EMC2: variants seen among roughly 807,000 people sequenced by gnomAD.
EMC2 encodes the protein TPR repeat protein 35.
In EMC2, 37 loss-of-function variants were observed where a neutral mutation model predicts 51.6. The observed-to-expected ratio is 0.72, with a 90% CI of 0.55 to 0.94. The LOEUF is 0.94. Ranked by LOEUF, EMC2 falls within the 40% of genes least tolerant of loss-of-function variation. EMC2 has a pLI of 0.00. For synonymous variants in EMC2, 131 were observed against 112.4 expected (o/e 1.17, Z -1.04); for missense variants, 359 against 350.9 (o/e 1.02, Z -0.18).
intron 5 of EMC2, among the ~76,000 whole-genome samples, chr8:108,457,585 A>T (rs751272303): frequency 6.6e-6 from 1 of 152,162 alleles, no homozygotes; most frequent in East Asian, 1.9e-4. Context: ...GAGCTTGTGC[A>T]GGGAAACTCC....
rs753999031 is a variant in EMC2 at position 108,470,112 on chromosome 8, A to G, written c.500A>G (p.Asn167Ser). 42 of 1,610,180 alleles carry G rather than the reference A, an allele frequency of 2.6e-5. No individual in the cohort carries two copies. Among genetic ancestry groups the G allele is most frequent in the Admixed American group, 3.3e-5 (2 of 59,936 alleles). Residue 167 changes from asparagine to serine, a missense_variant, in exon 7 of 11, where the codon AAT becomes AGT. Asn to Ser is a conservative substitution (Grantham distance 46). Coordinates refer to ENST00000220853, the MANE Select transcript of EMC2 (RefSeq NM_014673.5). ...AWHELAELYI[N>S]EHDYAKAAFC... Reference sequence around the variant, plus strand: ...CATGAACTTGCAGAACTTTACATCAATGAACATGAGTAAGTTATTAAACAC... The same window carrying G: ...CATGAACTTGCAGAACTTTACATCAGTGAACATGAGTAAGTTATTAAACAC...
At chr8:108,468,998 T>C (rs1369708291) in intron 5 of EMC2, among the ~76,000 whole-genome samples, 2 of 152,132 alleles carry the variant, frequency 1.3e-5, no homozygotes, top group African/African-American at 4.8e-5. Context: ...GGGACCGTCT[T>C]TGCTTTCTGT....
chr8:108,452,642 G>A (rs911622709), intron 3 of EMC2, among the ~76,000 whole-genome samples: 13 of 152,136 alleles, frequency 8.5e-5, no homozygotes, highest in Admixed American at 5.9e-4. Flanking sequence ...TATGTTATTT[G>A]CTAGGAACTT....
In EMC2 at chr8:108,487,008, A is replaced by G. The variant is rs1811154888; in HGVS notation, c.*410A>G. The G allele has an allele frequency of 6.5e-6, 1 of 153,486 alleles. No homozygotes were observed. The highest frequency in any genetic ancestry group is 1.5e-5 in the Non-Finnish European group (1 of 68,944). The allele number at this position is 153,486 out of a possible 1,614,324, so 9.5% of individuals were successfully genotyped here. A position where few individuals can be genotyped will look rare whatever the true frequency, so the allele number is the denominator to read the frequency against. On this transcript the variant is annotated 3_prime_UTR_variant, in exon 11 of 11. Transcript: ENST00000220853. ...TAGTTAACTCCTTACTGGTGATAGC[A>G]AAGTCACAGCATATGTAGCTGACCG...
At chr8:108,456,596 AACAT>A (rs1045229970) in intron 5 of EMC2, among the ~76,000 whole-genome samples, 3 of 152,182 alleles carry the variant, frequency 2.0e-5, no homozygotes, top group Admixed American at 6.5e-5. Flanking sequence ...AATAAGAAGA[AACAT>A]ACCCCTTTAA....
chr8:108,452,456 A>G (rs373059446), intron 3 of EMC2, among the ~76,000 whole-genome samples: 29 of 152,112 alleles, frequency 1.9e-4, no homozygotes, highest in East Asian at 9.6e-4. Flanking sequence ...AGTCCGAGCT[A>G]CTTGGGAGGC....
At chr8:108,450,041 TTTTC>T (rs1431097664) in intron 2 of EMC2, 105 bp downstream of exon 2, 1 of 520,890 alleles carries the variant, frequency 1.9e-6, no homozygotes, top group Non-Finnish European at 3.4e-6. Flanking sequence ...GTCATATTAA[TTTTC>T]TTTGTGACTT....
chr8:108,482,475 T>C (rs1811060405), intron 10 of EMC2, among the ~76,000 whole-genome samples: 1 of 152,230 alleles, frequency 6.6e-6, no homozygotes, highest in African/African-American at 2.4e-5. Context: ...TTAAGAAATC[T>C]TTTGCTACTC....
intron 7 of EMC2, chr8:108,474,530 T>C (rs1190989759): frequency 6.7e-6 from 1 of 148,564 alleles, no homozygotes; most frequent in African/African-American, 2.5e-5. Context: ...AAGGGCTAAA[T>C]AGCTGCATGA....
In EMC2 at chr8:108,450,484, T is replaced by G. The variant is rs1470009833; in HGVS notation, c.211T>G (p.Leu71Val). ...IAALDYGRDD[L>V]ALFCLQELRR... Reference sequence around the variant, plus strand: ...AGCACTAGACTATGGTCGGGATGACTTGGCATTGGTAGGTATTTAAATGAA... The same window carrying G: ...AGCACTAGACTATGGTCGGGATGACGTGGCATTGGTAGGTATTTAAATGAA... Residue 71 changes from leucine (L) to valine (V), a missense_variant, in exon 3 of 11, where the codon TTG (leucine) becomes GTG (valine). Leu to Val is a conservative substitution (Grantham distance 32). Coordinates refer to ENST00000220853, the MANE Select transcript of EMC2 (RefSeq NM_014673.5). 1 of 1,573,610 alleles carries G rather than the reference T, an allele frequency of 6.4e-7. No individual in the cohort carries two copies. Among genetic ancestry groups the G allele is most frequent in the African/African-American group, 1.3e-5 (1 of 74,220 alleles).
intron 10 of EMC2, among the ~76,000 whole-genome samples, chr8:108,485,550 TATATAC>T (rs1238792269): frequency 1.6e-4 from 11 of 67,244 alleles, no homozygotes; most frequent in Non-Finnish European, 1.8e-4. Flanking sequence ...TATGTATATA[TATATAC>T]ACACACACAC....
intron 7 of EMC2, chr8:108,473,938 C>T (rs1260042518): frequency 6.6e-6 from 1 of 151,970 alleles, no homozygotes; most frequent in Admixed American, 6.6e-5. Context: ...ATAGTACTGG[C>T]TATGTATTAT....
intron 5 of EMC2, among the ~76,000 whole-genome samples, chr8:108,460,336 C>T (rs1468606420): frequency 2.0e-5 from 3 of 152,096 alleles, no homozygotes; most frequent in Non-Finnish European, 4.4e-5. Context: ...TATTTTATGG[C>T]TTTTTGTGAC....
intron 10 of EMC2, among the ~76,000 whole-genome samples, chr8:108,482,745 G>A (rs865777975): frequency 1.1e-4 from 17 of 151,894 alleles, no homozygotes; most frequent in African/African-American, 3.4e-4. Context: ...CACCGTGCTC[G>A]GCTAACTTTT....
At chr8:108,464,414 A>G (rs1819415361) in intron 5 of EMC2, among the ~76,000 whole-genome samples, 1 of 152,182 alleles carries the variant, frequency 6.6e-6, no homozygotes, top group Non-Finnish European at 1.5e-5. Context: ...GGAGGGAGGC[A>G]GGCAGGCCCT....
intron 5 of EMC2, chr8:108,456,193 T>C (rs6469186): frequency 0.68 from 109,612 of 161,006 alleles, 37,918 homozygotes; most frequent in African/African-American, 0.81. Flanking sequence ...ATTAGCTGGG[T>C]GTGGTGGCAT....
intron 1 of EMC2, among the ~76,000 whole-genome samples, chr8:108,448,391 A>C (rs1335561054): frequency 2.0e-5 from 3 of 152,024 alleles, no homozygotes; most frequent in Non-Finnish European, 4.4e-5. Flanking sequence ...CCCCACCCAA[A>C]TCTCATCTTG....
Position 108,466,993 on chromosome 8 carries a change from A to G in EMC2, c.364-2833A>G, listed in dbSNP as rs150584459. On this transcript the variant is annotated intron_variant, in intron 5 of 10. Coordinates refer to ENST00000220853, the MANE Select transcript of EMC2 (RefSeq NM_014673.5). ...CAAGAGACTATGGCAAAAAAGAGAC[A>G]TGAACAGATTCAGGAGTCCCAGGAT... Among the ~76,000 whole-genome samples the G allele has an allele frequency of 4.7e-3, 712 of 152,314 alleles. 4 individuals carry two copies. Among genetic ancestry groups the G allele is most frequent in the African/African-American group, 0.015 (639 of 41,574 alleles).
intron 7 of EMC2, chr8:108,473,950 C>G (rs1306532200): frequency 6.6e-6 from 1 of 151,836 alleles, no homozygotes; most frequent in Non-Finnish European, 1.5e-5. Flanking sequence ...ATGTATTATC[C>G]CTGACAAGAC....
Sources: allele counts gnomAD v4.1 joint callset (sites outside exome capture counted in the v4.1 genomes callset), GRCh38; gene constraint gnomAD v4.1.1; transcripts MANE v1.5; gene names NCBI Gene and HGNC (gene_info 2026-07-23, HGNC 2026-07-21).